The following LSAMP variants were observed in gnomAD, a reference collection of about 807,000 sequenced individuals.
The protein encoded by LSAMP is limbic system associated membrane protein, also known as limbic system-associated membrane protein.
LSAMP carries 7 observed loss-of-function variants against 38.6 expected under a neutral mutation model. The ratio of observed to expected loss-of-function variants is 0.18; its 90% CI spans 0.10 to 0.34. LSAMP has a LOEUF of 0.34. Among genes scored for constraint, LSAMP ranks in the 10% least tolerant of loss-of-function variants. The pLI is 1.00. For missense variants in LSAMP, 313 were observed against 420.0 expected (o/e 0.75, Z 2.23); for synonymous variants, 154 against 166.8 (o/e 0.92, Z 0.59).
chr3:116,287,377 C>T (rs2047208801), intron 1 of LSAMP, among the ~76,000 whole-genome samples: 1 of 152,062 alleles, frequency 6.6e-6, no homozygotes, highest in African/African-American at 2.4e-5. Context: ...ACTTAATTTG[C>T]AATCCACACA....
chr3:115,863,105 T>C (rs1031306499), intron 3 of LSAMP, among the ~76,000 whole-genome samples: 2 of 152,198 alleles, frequency 1.3e-5, no homozygotes, highest in African/African-American at 2.4e-5. Context: ...GGTCACTAAA[T>C]TTACTGCCTT....
At chr3:115,930,932 A>T (rs1937570714) in intron 3 of LSAMP, among the ~76,000 whole-genome samples, 1 of 152,336 alleles carries the variant, frequency 6.6e-6, no homozygotes, top group Non-Finnish European at 1.5e-5. Flanking sequence ...CATTTTATAA[A>T]AACAAGATAA....
intron 1 of LSAMP, among the ~76,000 whole-genome samples, chr3:116,142,803 G>A (rs759711982): frequency 1.3e-5 from 2 of 151,676 alleles, no homozygotes; most frequent in Non-Finnish European, 2.9e-5. Context: ...AACAAATTCG[G>A]GTGCTACTTT....
intron 3 of LSAMP, among the ~76,000 whole-genome samples, chr3:115,947,659 C>G (rs574529089): frequency 8.1e-4 from 123 of 152,166 alleles, no homozygotes; most frequent in Non-Finnish European, 1.4e-3. Flanking sequence ...ATTGTATGCA[C>G]ATTATAATTC....
At chr3:116,009,125 G>A (rs1005564692) in intron 3 of LSAMP, among the ~76,000 whole-genome samples, 4 of 152,090 alleles carry the variant, frequency 2.6e-5, no homozygotes, top group African/African-American at 9.7e-5. Context: ...ATAAAACATT[G>A]TAATAATATT....
At chr3:115,846,417 A>G in intron 4 of LSAMP, among the ~76,000 whole-genome samples, 1 of 152,350 alleles carries the variant, frequency 6.6e-6, no homozygotes, top group East Asian at 1.9e-4. Flanking sequence ...TCATTCATTT[A>G]ATCTTACTAA....
chr3:115,992,578 T>C (rs1323218244), intron 3 of LSAMP, among the ~76,000 whole-genome samples: 1 of 151,932 alleles, frequency 6.6e-6, no homozygotes, highest in African/African-American at 2.4e-5. Flanking sequence ...AAGATGCAAA[T>C]AAACATAAAA....
chr3:116,241,507 C>A (rs913706549), intron 1 of LSAMP, among the ~76,000 whole-genome samples: 3 of 152,048 alleles, frequency 2.0e-5, no homozygotes, highest in Non-Finnish European at 4.4e-5. Context: ...GTGGAAGTTG[C>A]AGTGAGCTGG....
intron 1 of LSAMP, among the ~76,000 whole-genome samples, chr3:116,142,223 T>C (rs568647163): frequency 6.6e-6 from 1 of 152,188 alleles, no homozygotes; most frequent in South Asian, 2.1e-4. Context: ...GAAAAGTTGT[T>C]AATTGCAAAG....
chr3:115,864,745 A>G (rs1208602808), intron 3 of LSAMP, among the ~76,000 whole-genome samples: 1 of 152,040 alleles, frequency 6.6e-6, no homozygotes, highest in Non-Finnish European at 1.5e-5. Flanking sequence ...CCGCAAAATG[A>G]TTTTCATGAA....
At chr3:115,993,072 T>C (rs1226932025) in intron 3 of LSAMP, among the ~76,000 whole-genome samples, 1 of 152,150 alleles carries the variant, frequency 6.6e-6, no homozygotes, top group Non-Finnish European at 1.5e-5. Flanking sequence ...TTTTACTCTG[T>C]AAGCTAGGAA....
chr3:116,220,185 AACACACAC>A (rs3974285), intron 1 of LSAMP, among the ~76,000 whole-genome samples: 116 of 141,462 alleles, frequency 8.2e-4, no homozygotes, highest in African/African-American at 2.8e-3. Context: ...TCCATCTCAA[AACACACAC>A]ACACACACAC....
intron 3 of LSAMP, among the ~76,000 whole-genome samples, chr3:115,929,327 G>C (rs922587777): frequency 6.6e-6 from 1 of 152,190 alleles, no homozygotes; most frequent in Non-Finnish European, 1.5e-5. Flanking sequence ...TGTCTGAAAG[G>C]ATTGGTGAGA....
intron 1 of LSAMP, among the ~76,000 whole-genome samples, chr3:116,211,057 G>A (rs2046150385): frequency 6.6e-6 from 1 of 150,424 alleles, no homozygotes; most frequent in Admixed American, 6.6e-5. Context: ...GATGAACCTG[G>A]AGGACATTCT....
In LSAMP at chr3:115,804,381, G is replaced by A. The variant is rs950248981; in HGVS notation, c.*5936C>T. 6.6e-6 allele frequency: 1 copy of A among 152,216 alleles called. No homozygotes were observed. The highest frequency in any genetic ancestry group is 6.5e-5 in the Admixed American group (1 of 15,276). The allele number at this position is 152,216 out of a possible 1,614,324, so 9.4% of individuals were successfully genotyped here. ...GATGAGAAAACCAAGACTCAGGAAAGTTAAATGACTTGCCAATGTCTCACA... is the reference window on the plus strand; with the variant it reads ...GATGAGAAAACCAAGACTCAGGAAAATTAAATGACTTGCCAATGTCTCACA... On this transcript the variant is annotated 3_prime_UTR_variant, in exon 7 of 7. Transcript: ENST00000490035.
chr3:116,316,498 C>T (rs144560148), intron 1 of LSAMP, among the ~76,000 whole-genome samples: 49 of 152,228 alleles, frequency 3.2e-4, no homozygotes, highest in Non-Finnish European at 5.7e-4. Flanking sequence ...AAAGGCCGGG[C>T]GCCGTGGCTC....
intron 1 of LSAMP, among the ~76,000 whole-genome samples, chr3:116,207,357 C>T (rs1241021691): frequency 6.6e-6 from 1 of 151,994 alleles, no homozygotes. Flanking sequence ...ACTCTTTATC[C>T]AATTTGCCAG....
intron 2 of LSAMP, among the ~76,000 whole-genome samples, chr3:116,064,230 G>A (rs548995983): frequency 6.6e-6 from 1 of 152,166 alleles, no homozygotes; most frequent in African/African-American, 2.4e-5. Flanking sequence ...CTTCTCTATG[G>A]AAAGTCAGTC....
At chr3:116,354,048 A>C (rs2107769090) in intron 1 of LSAMP, among the ~76,000 whole-genome samples, 1 of 152,210 alleles carries the variant, frequency 6.6e-6, no homozygotes, top group Non-Finnish European at 1.5e-5. Flanking sequence ...AACCCTTCCC[A>C]CATTTTCCTT....
Sources: allele counts gnomAD v4.1 joint callset (sites outside exome capture counted in the v4.1 genomes callset), GRCh38; gene constraint gnomAD v4.1.1; transcripts MANE v1.5; gene names NCBI Gene and HGNC (gene_info 2026-07-23, HGNC 2026-07-21).